The following SLC12A7 variants were observed in gnomAD, a reference collection of about 807,000 sequenced individuals.
The protein encoded by SLC12A7 is solute carrier family 12 member 7.
SLC12A7 carries 100 observed loss-of-function variants against 120.6 expected under a neutral mutation model. The observed-to-expected ratio is 0.83, with a 90% CI of 0.71 to 0.98. SLC12A7 has a LOEUF of 0.98. SLC12A7 is among the 50% of genes least tolerant of loss of function. The probability of loss-of-function intolerance (pLI) is 0.00; values close to 1 mark genes in which losing one functional copy is unlikely to be tolerated. For missense variants in SLC12A7, 1,373 were observed against 1,548.1 expected, an observed-to-expected ratio of 0.89 and a Z score of 1.90; for synonymous variants, 760 against 678.0, an observed-to-expected ratio of 1.12 and a Z score of -1.88.
At chr5:1,131,746 A>G in the SLC12A7 span, among the ~76,000 whole-genome samples, 1 of 152,272 alleles carries the variant, frequency 6.6e-6, no homozygotes, top group South Asian at 2.1e-4. Context: ...GGGTTCCCAG[A>G]TCCTCGTCCA....
chr5:1,076,382 A>G (rs1738338469), intron 13 of SLC12A7, 146 bp from the exon 14 acceptor site: 3 of 306,624 alleles, frequency 9.8e-6, no homozygotes, highest in Non-Finnish European at 1.5e-5. Context: ...GCTGACTCAG[A>G]CTGATTCCGA....
chr5:1,101,160 G>A (rs1029325141), intron 1 of SLC12A7, among the ~76,000 whole-genome samples: 2 of 152,146 alleles, frequency 1.3e-5, no homozygotes, highest in Admixed American at 6.5e-5. Flanking sequence ...CACCTGCCCC[G>A]AGCGGCCCTA....
chr5:1,096,105 G>A (rs189705935), intron 1 of SLC12A7, among the ~76,000 whole-genome samples: 173 of 152,330 alleles, frequency 1.1e-3, no homozygotes, highest in African/African-American at 3.8e-3. Context: ...AAGATCTCTC[G>A]TGTGTGATCA....
intron 18 of SLC12A7, among the ~76,000 whole-genome samples, chr5:1,064,748 G>A (rs1303696508): frequency 6.7e-6 from 1 of 149,012 alleles, no homozygotes; most frequent in East Asian, 2.0e-4. Context: ...CGAGGGGACG[G>A]CGAGGAGACG....
At chr5:1,086,602 C>T (rs1434498455) in intron 6 of SLC12A7, among the ~76,000 whole-genome samples, 2 of 152,340 alleles carry the variant, frequency 1.3e-5, no homozygotes, top group African/African-American at 4.8e-5. Context: ...AAAACAGCTC[C>T]GACTGCAGGA....
rs781088558 is a variant in SLC12A7 at position 1,076,125 on chromosome 5, T to A, written c.1847+13A>T. The stretch of plus-strand genomic sequence containing the variant: ...CCTGTGGGGCTCCTCACGCCCGTGC[T>A]GAGTGGCCTCACCAGTGGTAGAACT... On this transcript the variant is annotated intron_variant, in intron 14 of 23. Coordinates refer to ENST00000264930, the MANE Select transcript of SLC12A7 (RefSeq NM_006598.3). 17 of 1,604,486 alleles carry A rather than the reference T, an allele frequency of 1.1e-5. No homozygotes were observed. The South Asian group carries it at 1.9e-4, about 18-fold the overall frequency.
chr5:1,061,394 GTACCTGCCGCATCCGCCA>G (rs1222273242), intron 20 of SLC12A7, among the ~76,000 whole-genome samples: 1 of 49,604 alleles, frequency 2.0e-5, no homozygotes, highest in South Asian at 6.3e-4. Flanking sequence ...CGCACCCGCC[GTACCTGCCGCATCCGCCA>G]TGCGGGACCC....
intron 22 of SLC12A7, among the ~76,000 whole-genome samples, chr5:1,055,695 T>G (rs955639055): frequency 1.3e-5 from 2 of 152,216 alleles, no homozygotes; most frequent in Admixed American, 1.3e-4. Flanking sequence ...CAGGTGCCAC[T>G]GAGGGTCCCC....
At chr5:1,083,702 C>T (rs1408285437) in intron 8 of SLC12A7, 43 bp downstream of exon 8, 4 of 1,593,080 alleles carry the variant, frequency 2.5e-6, no homozygotes, top group Non-Finnish European at 2.6e-6. Flanking sequence ...CGCCTGCTGC[C>T]CCCGCCACCC....
intron 3 of SLC12A7, among the ~76,000 whole-genome samples, chr5:1,092,894 C>A (rs765151737): frequency 2.0e-5 from 3 of 152,154 alleles, no homozygotes; most frequent in Non-Finnish European, 2.9e-5. Flanking sequence ...CGCCTGTGAG[C>A]GTCACCTCAG....
chr5:1,076,509 G>A (rs771324369), intron 13 of SLC12A7, among the ~76,000 whole-genome samples, 185 bp downstream of exon 13: 43 of 136,884 alleles, frequency 3.1e-4, no homozygotes, highest in Non-Finnish European at 5.0e-4. Flanking sequence ...TGACCCCAGC[G>A]GGCGGCTGCC....
Position 1,074,549 on chromosome 5 carries a change from G to A in SLC12A7, c.2072+18C>T, listed in dbSNP as rs1355332081. The A allele has an allele frequency of 3.7e-6, 6 of 1,604,402 alleles. No homozygotes were observed. The highest frequency in any genetic ancestry group is 5.1e-6 in the Non-Finnish European group (6 of 1,173,432). On this transcript the variant is annotated intron_variant, in intron 16 of 23. Coordinates refer to ENST00000264930, the MANE Select transcript of SLC12A7 (RefSeq NM_006598.3). The stretch of plus-strand genomic sequence containing the variant: ...TCTTCTGTGCGTCTGAGGACCACGG[G>A]GCATGGGCGGTGCTCACCTCCAGTT...
At chr5:1,066,500 G>A (rs7737804) in intron 17 of SLC12A7, among the ~76,000 whole-genome samples, 66,336 of 152,108 alleles carry the variant, frequency 0.44, 14,873 homozygotes, top group East Asian at 0.55. Flanking sequence ...TTAGGGCCGA[G>A]AGCTCAATTG....
chr5:1,107,162 C>G (rs551112970), intron 1 of SLC12A7, among the ~76,000 whole-genome samples: 1 of 152,188 alleles, frequency 6.6e-6, no homozygotes, highest in Admixed American at 6.5e-5. Flanking sequence ...CTAATACTCA[C>G]GCTTTACTCT....
At chr5:1,120,669 C>T in the SLC12A7 span, among the ~76,000 whole-genome samples, 2 of 152,230 alleles carry the variant, frequency 1.3e-5, no homozygotes, top group African/African-American at 4.8e-5. Context: ...ACACAGCCCA[C>T]ATTCCCATCA....
chr5:1,142,109 T>A, the SLC12A7 span, among the ~76,000 whole-genome samples: 49 of 150,118 alleles, frequency 3.3e-4, no homozygotes, highest in African/African-American at 1.2e-3. Context: ...AGAGCTGCAC[T>A]GGGCCGCAGT....
At chr5:1,136,565 C>A in the SLC12A7 span, among the ~76,000 whole-genome samples, 2 of 135,886 alleles carry the variant, frequency 1.5e-5, no homozygotes, top group Non-Finnish European at 3.1e-5. Flanking sequence ...AACACCAGGA[C>A]ACGCAGGCAC....
chr5:1,138,382 A>G, the SLC12A7 span, among the ~76,000 whole-genome samples: 34 of 152,194 alleles, frequency 2.2e-4, no homozygotes. Context: ...CCATTTTTAC[A>G]GAGTGCTGAT....
At chr5:1,137,205 C>A in the SLC12A7 span, among the ~76,000 whole-genome samples, 77,889 of 151,944 alleles carry the variant, frequency 0.51, 21,065 homozygotes, top group African/African-American at 0.68. Context: ...TTCATGCCCC[C>A]ATCACAGGCG....
Sources: gnomAD v4.1 joint callset for allele counts (sites outside exome capture counted in the v4.1 genomes callset) on GRCh38, gnomAD v4.1.1 for gene constraint, MANE v1.5 for transcripts, NCBI Gene and HGNC (gene_info 2026-07-23, HGNC 2026-07-21) for gene names.